The following PTPRM variants were observed in gnomAD, a reference collection of about 807,000 sequenced individuals.
PTPRM encodes protein tyrosine phosphatase receptor type M, also known as receptor-type tyrosine-protein phosphatase mu.
A neutral mutation model predicts 186.7 loss-of-function variants in PTPRM; 47 were observed. That is an observed-to-expected ratio of 0.25 (90% CI 0.20 to 0.32). The LOEUF (loss-of-function observed/expected upper bound fraction) is 0.32, where lower values mean the gene tolerates loss of function less well. Ranked by LOEUF, PTPRM falls within the 10% of genes least tolerant of loss-of-function variation. The pLI is 1.00. For synonymous variants in PTPRM, 668 were observed against 674.9 expected, an observed-to-expected ratio of 0.99 and a Z score of 0.16; for missense variants, 1,494 against 1,865.0, an observed-to-expected ratio of 0.80 and a Z score of 3.66.
At chr18:7,575,635 G>T (rs1469825545) in intron 1 of PTPRM, among the ~76,000 whole-genome samples, 1 of 152,130 alleles carries the variant, frequency 6.6e-6, no homozygotes, top group Non-Finnish European at 1.5e-5. Context: ...GTATATATTT[G>T]CCAACTAAGT....
chr18:7,974,070 C>T (rs1244626843), intron 7 of PTPRM, among the ~76,000 whole-genome samples: 1 of 152,086 alleles, frequency 6.6e-6, no homozygotes, highest in East Asian at 1.9e-4. Context: ...TCCATTCTCA[C>T]CTTTGCATTT....
intron 31 of PTPRM, among the ~76,000 whole-genome samples, chr18:8,393,829 C>T (rs1052499907): frequency 6.6e-6 from 1 of 152,220 alleles, no homozygotes; most frequent in Admixed American, 6.5e-5. Flanking sequence ...CGCTCTGTTG[C>T]CCAGGCTGGA....
rs57839485 is a variant in PTPRM at position 7,834,992 on chromosome 18, C to CTT, written c.197-53093_197-53092dup. 1.9e-3 allele frequency among the ~76,000 whole-genome samples: 158 copies of CTT among 85,228 alleles called. 2 individuals are homozygous for CTT. The highest frequency in any genetic ancestry group is 6.4e-3 in the African/African-American group (143 of 22,270). The allele number at this position is 85,228 out of a possible 152,430, so 55.9% of individuals were successfully genotyped here. A position where few individuals can be genotyped will look rare whatever the true frequency, so the allele number is the denominator to read the frequency against. On this transcript the variant is annotated intron_variant, in intron 2 of 32. Transcript: ENST00000580170. Reference sequence around the variant, plus strand: ...CATGTTTGATGTTATTTATTTGGATCTTTTTTTTTTTTTTTTTTTTTTAGT... The same window carrying CTT: ...CATGTTTGATGTTATTTATTTGGATCTTTTTTTTTTTTTTTTTTTTTTTTAGT...
chr18:8,317,863 C>T (rs541147647), intron 21 of PTPRM, among the ~76,000 whole-genome samples: 1 of 152,208 alleles, frequency 6.6e-6, no homozygotes, highest in East Asian at 1.9e-4. Flanking sequence ...GTTAGGCCCT[C>T]GGACATATAG....
chr18:7,734,248 AGTGGAGT>A (rs1300167710), intron 1 of PTPRM, among the ~76,000 whole-genome samples: 1 of 152,196 alleles, frequency 6.6e-6, no homozygotes, highest in Non-Finnish European at 1.5e-5. Flanking sequence ...TGTCAGGGGC[AGTGGAGT>A]GTGGAGGAGG....
chr18:8,329,280 G>A (rs2095397658), intron 22 of PTPRM, among the ~76,000 whole-genome samples: 1 of 152,176 alleles, frequency 6.6e-6, no homozygotes. Context: ...GGCACTTAAA[G>A]CAGAACTATA....
intron 17 of PTPRM, chr18:8,251,793 G>T (rs116407251): frequency 2.0e-5 from 3 of 152,112 alleles, no homozygotes; most frequent in Non-Finnish European, 4.4e-5. Flanking sequence ...GAACTTCTCC[G>T]TAAAAAATAA....
At chr18:8,247,314 A>G (rs945768024) in intron 15 of PTPRM, among the ~76,000 whole-genome samples, 1 of 152,182 alleles carries the variant, frequency 6.6e-6, no homozygotes, top group Non-Finnish European at 1.5e-5. Flanking sequence ...AAAGAAGAGC[A>G]TTTTTGTAAG....
Position 7,888,288 on chromosome 18 carries a change from A to C in PTPRM, c.379A>C (p.Asn127His). The C allele has an allele frequency of 1.2e-6, 2 of 1,614,172 alleles. No homozygotes were observed. The highest frequency in any genetic ancestry group is 1.7e-6 in the Non-Finnish European group (2 of 1,180,026). The part of the protein sequence containing the change: ...YVKVNNGPLG[N>H]PIWNISGDPT... ...GAAGGTCAATAACGGGCCACTGGGG[A>C]ATCCTATCTGGAATATATCTGGAGA... The change falls in exon 3 of 33, where the codon AAT (asparagine) becomes CAT (histidine). Residue 127 changes from asparagine (N) to histidine (H), a missense_variant. Physicochemically the swap from Asn to His is moderately conservative, Grantham distance 68. Coordinates refer to ENST00000580170, the MANE Select transcript of PTPRM (RefSeq NM_001105244.2).
intron 8 of PTPRM, among the ~76,000 whole-genome samples, chr18:8,075,414 C>T (rs1038629757): frequency 1.3e-5 from 2 of 151,858 alleles, no homozygotes; most frequent in Non-Finnish European, 2.9e-5. Context: ...ACTTCATCAC[C>T]AAAAAATGTG....
intron 1 of PTPRM, among the ~76,000 whole-genome samples, chr18:7,588,140 T>C (rs952094693): frequency 3.3e-5 from 5 of 152,182 alleles, no homozygotes; most frequent in Admixed American, 3.3e-4. Context: ...AAGTGAGGAT[T>C]CTGATTAAAA....
intron 1 of PTPRM, among the ~76,000 whole-genome samples, chr18:7,726,966 G>A (rs2040562026): frequency 6.6e-6 from 1 of 151,926 alleles, no homozygotes; most frequent in Non-Finnish European, 1.5e-5. Context: ...AAAAAGACCT[G>A]GGCTTTTTAG....
chr18:7,659,195 T>A (rs892037159), intron 1 of PTPRM, among the ~76,000 whole-genome samples: 1 of 151,844 alleles, frequency 6.6e-6, no homozygotes. Flanking sequence ...CTGACTGTTC[T>A]CCATCTTACA....
At chr18:8,163,033 G>A (rs1325218935) in intron 14 of PTPRM, among the ~76,000 whole-genome samples, 1 of 152,124 alleles carries the variant, frequency 6.6e-6, no homozygotes, top group Non-Finnish European at 1.5e-5. Context: ...TGCAACCAGT[G>A]TCCACACGCC....
intron 1 of PTPRM, among the ~76,000 whole-genome samples, chr18:7,769,806 AC>A (rs1408758769): frequency 6.6e-6 from 1 of 152,144 alleles, no homozygotes; most frequent in East Asian, 1.9e-4. Flanking sequence ...CTTATCTAGA[AC>A]CTGTGTGTTG....
At chr18:7,999,197 C>T (rs2083723303) in intron 7 of PTPRM, among the ~76,000 whole-genome samples, 1 of 152,108 alleles carries the variant, frequency 6.6e-6, no homozygotes, top group African/African-American at 2.4e-5. Flanking sequence ...TCCCATTAAC[C>T]TGTCATGCAC....
chr18:7,842,930 G>GTGTATATATATATATATATATA (rs377182615), intron 2 of PTPRM, among the ~76,000 whole-genome samples: 1 of 100,942 alleles, frequency 9.9e-6, no homozygotes, highest in African/African-American at 5.0e-5. Context: ...GTGTGTGTGT[G>GTGTATATATATATATATATATA]TATATATATA....
intron 1 of PTPRM, among the ~76,000 whole-genome samples, chr18:7,613,842 G>T (rs2037738270): frequency 6.6e-6 from 1 of 152,172 alleles, no homozygotes; most frequent in South Asian, 2.1e-4. Flanking sequence ...AATTCATAAT[G>T]ATTTTTATTT....
At chr18:7,634,322 T>C (rs2038262656) in intron 1 of PTPRM, among the ~76,000 whole-genome samples, 1 of 152,110 alleles carries the variant, frequency 6.6e-6, no homozygotes, top group African/African-American at 2.4e-5. Context: ...AATGCAGACC[T>C]ATAGAATGAA....
Sources: gnomAD v4.1 joint callset for allele counts (sites outside exome capture counted in the v4.1 genomes callset) on GRCh38, gnomAD v4.1.1 for gene constraint, MANE v1.5 for transcripts, NCBI Gene and HGNC (gene_info 2026-07-23, HGNC 2026-07-21) for gene names.